Variants in ZNF514 observed in about 807,000 individuals in gnomAD.
The protein encoded by ZNF514 is zinc finger protein 514.
In ZNF514, 12 loss-of-function variants were observed where a neutral mutation model predicts 9.7. The observed-to-expected ratio is 1.24, with a 90% CI of 0.79 to 2.01. ZNF514 has a LOEUF of 2.01. Ranked by LOEUF, ZNF514 falls within the 30% of genes most tolerant of loss-of-function variation. ZNF514 has a pLI of 0.00. For synonymous variants in ZNF514, 158 were observed against 163.7 expected, an observed-to-expected ratio of 0.97 and a Z score of 0.27; for missense variants, 467 against 465.5, an observed-to-expected ratio of 1.00 and a Z score of -0.03.
At chr2:95,156,257 C>T (rs149730797) in intron 2 of ZNF514, among the ~76,000 whole-genome samples, 1 of 152,332 alleles carries the variant, frequency 6.6e-6, no homozygotes, top group East Asian at 1.9e-4. Context: ...CGGAGGCTGG[C>T]ATTTGTACCC....
rs188651361 is a variant in ZNF514, at chr2:95,147,618, A to G, written c.*1664T>C. 1 of 151,148 alleles carries G rather than the reference A, an allele frequency of 6.6e-6. No homozygotes were observed. The highest frequency in any genetic ancestry group is 2.4e-5 in the African/African-American group (1 of 41,266). The allele number at this position is 151,148 out of a possible 1,614,324, so 9.4% of individuals were successfully genotyped here. A position where few individuals can be genotyped will look rare whatever the true frequency, so the allele number is the denominator to read the frequency against. ...CACGTTTTTGAGATCTGGATTGTGCATAATACCCATATTTTAGTTGTTTTT... is the reference window on the plus strand; with the variant it reads ...CACGTTTTTGAGATCTGGATTGTGCGTAATACCCATATTTTAGTTGTTTTT... On this transcript the variant is annotated 3_prime_UTR_variant, in exon 5 of 5. Coordinates refer to ENST00000295208, the MANE Select transcript of ZNF514 (RefSeq NM_032788.3).
At chr2:95,132,197 T>TACAGACTG in the ZNF514 span, among the ~76,000 whole-genome samples, 4 of 134,556 alleles carry the variant, frequency 3.0e-5, no homozygotes, top group Non-Finnish European at 6.3e-5. Flanking sequence ...AATGACAAGC[T>TACAGACTG]ACAGACTGGG....
At chr2:95,124,308 A>G in the ZNF514 span, among the ~76,000 whole-genome samples, 1 of 152,126 alleles carries the variant, frequency 6.6e-6, no homozygotes, top group African/African-American at 2.4e-5. Flanking sequence ...CAGATAATAC[A>G]TGATCTCATG....
At chr2:95,152,454 G>C (rs1466561348) in intron 4 of ZNF514, among the ~76,000 whole-genome samples, 27 of 152,090 alleles carry the variant, frequency 1.8e-4, no homozygotes. Flanking sequence ...AGAAGGCATG[G>C]GCAGAGATGG....
At chr2:95,130,566 G>T in the ZNF514 span, among the ~76,000 whole-genome samples, 145 of 152,338 alleles carry the variant, frequency 9.5e-4, no homozygotes, top group South Asian at 2.5e-3. Flanking sequence ...CCTACCCCTA[G>T]GTGTGCATTC....
chr2:95,138,106 A>T, the ZNF514 span, among the ~76,000 whole-genome samples: 1 of 152,256 alleles, frequency 6.6e-6, no homozygotes, highest in Non-Finnish European at 1.5e-5. Flanking sequence ...AGCCTGCAGA[A>T]CTATGAACCA....
intron 4 of ZNF514, among the ~76,000 whole-genome samples, chr2:95,150,779 T>A (rs1437319651): frequency 1.3e-5 from 2 of 152,204 alleles, no homozygotes; most frequent in African/African-American, 4.8e-5. Context: ...CCAGTCTTAA[T>A]CTTCCAAAGG....
chr2:95,154,951 C>T (rs1260186311), intron 2 of ZNF514: 2 of 152,072 alleles, frequency 1.3e-5, no homozygotes, highest in African/African-American at 2.4e-5. Context: ...TTCAGTGGGA[C>T]CAAATTGTTC....
the ZNF514 span, among the ~76,000 whole-genome samples, chr2:95,128,681 A>G: frequency 1.7e-4 from 26 of 149,032 alleles, 1 homozygote; most frequent in South Asian, 1.7e-3. Flanking sequence ...AAGAAGTAAG[A>G]AGGAGGAAGA....
At chr2:95,156,700 T>TCATGTTACTGCTGCCTGCTTAA (rs1673695991) in intron 2 of ZNF514, among the ~76,000 whole-genome samples, 2 of 152,212 alleles carry the variant, frequency 1.3e-5, no homozygotes, top group East Asian at 3.8e-4. Flanking sequence ...ATTATAGTCT[T>TCATGTTACTGCTGCCTGCTTAA]CATGTTACTG....
rs36045840 is a variant in ZNF514 at position 95,149,561 on chromosome 2, C to T, written c.924G>A (p.Arg308=). ...CATAGGGCTTTTCTCCAGTATGAGTCCTCTGATGCTTAATAAGGGATGAAG... is the reference window on the plus strand; with the variant it reads ...CATAGGGCTTTTCTCCAGTATGAGTTCTCTGATGCTTAATAAGGGATGAAG... The part of the protein sequence containing the change: ...GHTSSLIKHQ[R]THTGEKPYEC... The change falls in exon 5 of 5, where the codon AGG becomes AGA. Residue 308 remains arginine, a synonymous_variant. Transcript: ENST00000295208. 51,468 of 1,610,518 alleles carry T rather than the reference C, an allele frequency of 0.032. 915 individuals are homozygous for T. The highest frequency in any genetic ancestry group is 0.057 in the East Asian group (2,542 of 44,700).
chr2:95,132,170 A>C, the ZNF514 span, among the ~76,000 whole-genome samples: 1 of 150,486 alleles, frequency 6.6e-6, no homozygotes, highest in Non-Finnish European at 1.5e-5. Flanking sequence ...AAAAAAAAAA[A>C]CAGAGAGAGA....
At chr2:95,156,180 G>T (rs2104475358) in intron 2 of ZNF514, among the ~76,000 whole-genome samples, 1 of 152,330 alleles carries the variant, frequency 6.6e-6, no homozygotes, top group South Asian at 2.1e-4. Context: ...CTTTTGGCTT[G>T]AAAGTTAAAT....
At chr2:95,142,525 T>C (rs562808188), downstream of ZNF514, among the ~76,000 whole-genome samples, 3 of 152,374 alleles carry the variant, frequency 2.0e-5, no homozygotes, top group South Asian at 4.1e-4. Flanking sequence ...TTTTGAGCCA[T>C]GAAACAACTC....
Position 95,148,942 on chromosome 2 carries a change from T to A in ZNF514, c.*340A>T, listed in dbSNP as rs1219758706. ...ATCTGATTTTCTTAAAGAATCAGTA[T>A]GTAACTGAAGGCTTGCCACACTCAC... is the stretch of plus-strand genomic sequence containing the variant. On this transcript the variant is annotated 3_prime_UTR_variant, in exon 5 of 5. Coordinates refer to ENST00000295208, the MANE Select transcript of ZNF514 (RefSeq NM_032788.3). The A allele has an allele frequency of 8.1e-6, 2 of 246,758 alleles. No homozygotes were observed. The highest frequency in any genetic ancestry group is 1.6e-5 in the Non-Finnish European group (2 of 128,844). The allele number at this position is 246,758 out of a possible 1,614,324, so 15.3% of individuals were successfully genotyped here. A position where few individuals can be genotyped will look rare whatever the true frequency, so the allele number is the denominator to read the frequency against.
Position 95,148,389 on chromosome 2 carries a change from C to T in ZNF514, c.*893G>A, listed in dbSNP as rs1208338083. ...CCCCACCAGGCAGAAAATCACCAGA[C>T]AAGGTGATTTCTCAGCTTCTTTTCA... On this transcript the variant is annotated 3_prime_UTR_variant, in exon 5 of 5. Coordinates refer to ENST00000295208, the MANE Select transcript of ZNF514 (RefSeq NM_032788.3). 1 of 152,212 alleles carries T rather than the reference C, an allele frequency of 6.6e-6. No homozygotes were observed. The allele number at this position is 152,212 out of a possible 1,614,324, so 9.4% of individuals were successfully genotyped here. A position where few individuals can be genotyped will look rare whatever the true frequency, so the allele number is the denominator to read the frequency against.
chr2:95,155,673 T>C (rs1411974444), intron 2 of ZNF514: 2 of 152,116 alleles, frequency 1.3e-5, no homozygotes, highest in African/African-American at 4.8e-5. Context: ...GGTAAGAAAA[T>C]ATACAGTGAT....
the ZNF514 span, among the ~76,000 whole-genome samples, chr2:95,130,475 C>A: frequency 6.6e-6 from 1 of 152,190 alleles, no homozygotes; most frequent in South Asian, 2.1e-4. Context: ...CCTGGGAGTG[C>A]TATGGGAGAC....
chr2:95,136,148 C>CA, the ZNF514 span, among the ~76,000 whole-genome samples: 2 of 152,230 alleles, frequency 1.3e-5, no homozygotes, highest in African/African-American at 4.8e-5. Flanking sequence ...TTGCTAAACT[C>CA]ATTTACTCTA....
Sources: allele counts gnomAD v4.1 joint callset (sites outside exome capture counted in the v4.1 genomes callset), GRCh38; gene constraint gnomAD v4.1.1; transcripts MANE v1.5; gene names NCBI Gene and HGNC (gene_info 2026-07-23, HGNC 2026-07-21).